Variants in RABGAP1L observed in about 807,000 individuals in gnomAD.
The protein encoded by RABGAP1L is rab GTPase-activating protein 1-like.
In RABGAP1L, 63 loss-of-function variants were observed where a neutral mutation model predicts 137.7. The observed-to-expected ratio is 0.46, with a 90% CI of 0.37 to 0.56. The LOEUF (loss-of-function observed/expected upper bound fraction) is 0.56, where lower values mean the gene tolerates loss of function less well. Among genes scored for constraint, RABGAP1L ranks in the 20% least tolerant of loss-of-function variants. The pLI, the probability that RABGAP1L is intolerant of heterozygous loss-of-function variation, is 0.00. For missense variants in RABGAP1L, 1,095 were observed against 1,244.0 expected, an observed-to-expected ratio of 0.88 and a Z score of 1.80; for synonymous variants, 431 against 433.7, an observed-to-expected ratio of 0.99 and a Z score of 0.08.
Position 174,993,081 on chromosome 1 carries a change from C to T in RABGAP1L, c.*3080C>T, listed in dbSNP as rs572733228. 8 of 152,190 alleles carry T rather than the reference C, an allele frequency of 5.3e-5. No individual in the cohort carries two copies. Among genetic ancestry groups the T allele is most frequent in the African/African-American group, 7.2e-5 (3 of 41,442 alleles). The allele number at this position is 152,190 out of a possible 1,614,324, so 9.4% of individuals were successfully genotyped here. ...CTTTTGTATCTTGAGAATCTAAACACGTCTTTAAATCTGAAAGAAACCAAG... is the reference window on the plus strand; with the variant it reads ...CTTTTGTATCTTGAGAATCTAAACATGTCTTTAAATCTGAAAGAAACCAAG... On this transcript the variant is annotated 3_prime_UTR_variant, in exon 26 of 26. Transcript: ENST00000681986.
chr1:174,366,386 A>G (rs894147477), intron 11 of RABGAP1L, among the ~76,000 whole-genome samples: 11 of 152,294 alleles, frequency 7.2e-5, no homozygotes, highest in African/African-American at 2.2e-4. Context: ...CCAAGGCCCT[A>G]TGGGACAACT....
chr1:174,951,888 T>C (rs1667762826), intron 19 of RABGAP1L, among the ~76,000 whole-genome samples: 1 of 152,198 alleles, frequency 6.6e-6, no homozygotes, highest in Non-Finnish European at 1.5e-5. Flanking sequence ...GTCTTTTCTC[T>C]ACTAAAATGC....
At chr1:174,607,357 G>T (rs955661626) in intron 13 of RABGAP1L, among the ~76,000 whole-genome samples, 1 of 151,968 alleles carries the variant, frequency 6.6e-6, no homozygotes, top group Non-Finnish European at 1.5e-5. Flanking sequence ...CAGTCTCTAC[G>T]GGCAGTGGTC....
chr1:174,986,286 A>T (rs1042685308), intron 24 of RABGAP1L, among the ~76,000 whole-genome samples: 1 of 151,880 alleles, frequency 6.6e-6, no homozygotes, highest in Non-Finnish European at 1.5e-5. Flanking sequence ...CCACCATCAC[A>T]CCCATACTCT....
intron 19 of RABGAP1L, among the ~76,000 whole-genome samples, chr1:174,946,936 A>T (rs1455705255): frequency 4.6e-5 from 3 of 65,064 alleles, no homozygotes; most frequent in Non-Finnish European, 2.8e-5. Context: ...ATATATATAT[A>T]TATATGTGTG....
At chr1:174,876,891 ATT>A (rs1014414048) in intron 19 of RABGAP1L, among the ~76,000 whole-genome samples, 1 of 150,044 alleles carries the variant, frequency 6.7e-6, no homozygotes, top group African/African-American at 2.5e-5. Flanking sequence ...AGAGGGGAAA[ATT>A]TTTTTTTTCA....
intron 10 of RABGAP1L, among the ~76,000 whole-genome samples, chr1:174,295,024 T>C (rs1045106642): frequency 2.0e-5 from 3 of 152,118 alleles, no homozygotes; most frequent in African/African-American, 7.2e-5. Context: ...GTTCAGGTGA[T>C]TCTCCTGCCT....
At chr1:174,912,151 A>G (rs1042975122) in intron 19 of RABGAP1L, among the ~76,000 whole-genome samples, 54 of 130,526 alleles carry the variant, frequency 4.1e-4, no homozygotes, top group African/African-American at 1.7e-3. Flanking sequence ...TTGTTTGTTT[A>G]TTTTTGGACA....
intron 10 of RABGAP1L, among the ~76,000 whole-genome samples, chr1:174,279,312 A>C (rs1675282536): frequency 6.6e-6 from 1 of 152,164 alleles, no homozygotes. Context: ...TTAGTAGATA[A>C]AATATGTAAC....
At chr1:174,896,061 A>C (rs189222023) in intron 19 of RABGAP1L, among the ~76,000 whole-genome samples, 16 of 152,318 alleles carry the variant, frequency 1.1e-4, no homozygotes, top group Admixed American at 8.5e-4. Flanking sequence ...TCCCACCAAC[A>C]ATGTAAAAGT....
intron 19 of RABGAP1L, among the ~76,000 whole-genome samples, chr1:174,931,149 G>A (rs143065185): frequency 1.3e-5 from 2 of 152,134 alleles, no homozygotes; most frequent in Non-Finnish European, 2.9e-5. Context: ...ACAATATACT[G>A]TGGGTGATGG....
chr1:174,575,030 A>G (rs551320094), intron 13 of RABGAP1L, among the ~76,000 whole-genome samples: 1 of 152,316 alleles, frequency 6.6e-6, no homozygotes, highest in South Asian at 2.1e-4. Context: ...TCCCAGGTTC[A>G]AGCGATTCTC....
intron 1 of RABGAP1L, among the ~76,000 whole-genome samples, chr1:174,163,297 T>G (rs1005833846): frequency 1.3e-5 from 2 of 152,206 alleles, no homozygotes; most frequent in Admixed American, 1.3e-4. Context: ...AAGGAAGAGT[T>G]AATGAATTAA....
At chr1:174,696,771 A>AACATC (rs1304771679) in intron 15 of RABGAP1L, among the ~76,000 whole-genome samples, 1 of 152,044 alleles carries the variant, frequency 6.6e-6, no homozygotes, top group Non-Finnish European at 1.5e-5. Flanking sequence ...AGACGATGTA[A>AACATC]GACTGTTTTT....
At chr1:174,812,777 G>T (rs775060479) in intron 19 of RABGAP1L, among the ~76,000 whole-genome samples, 40 of 152,242 alleles carry the variant, frequency 2.6e-4, no homozygotes, top group Non-Finnish European at 4.9e-4. Flanking sequence ...TTGGATTAGT[G>T]GGGGAGCAAA....
At chr1:174,430,614 A>G (rs899120964) in intron 13 of RABGAP1L, among the ~76,000 whole-genome samples, 2 of 152,212 alleles carry the variant, frequency 1.3e-5, no homozygotes, top group African/African-American at 4.8e-5. Context: ...AGCAAGTTAG[A>G]AGAGCAGAAA....
At chr1:174,703,345 T>G (rs1679801425) in intron 17 of RABGAP1L, among the ~76,000 whole-genome samples, 1 of 152,288 alleles carries the variant, frequency 6.6e-6, no homozygotes, top group Non-Finnish European at 1.5e-5. Context: ...TTGGCAGTAT[T>G]TGACTTTCTG....
chr1:174,548,040 G>A (rs752596938), intron 13 of RABGAP1L: 4 of 1,550,520 alleles, frequency 2.6e-6, no homozygotes, highest in Admixed American at 2.0e-5. Flanking sequence ...TTATTAAGAG[G>A]CTTAATGCCT....
In RABGAP1L at chr1:174,327,982, CACACAT is replaced by C. The variant is rs1235931554; in HGVS notation, c.1465+22857_1465+22862del. ...ATATATATATATATATATATATACACACACATATATATATATATATATATATATATA... is the reference window on the plus strand; with the variant it reads ...ATATATATATATATATATATATACACATATATATATATATATATATATATA... On this transcript the variant is annotated intron_variant, in intron 11 of 25. Coordinates refer to ENST00000681986, the MANE Select transcript of RABGAP1L (RefSeq NM_001366446.1). 4.0e-4 allele frequency among the ~76,000 whole-genome samples: 10 copies of C among 24,750 alleles called. 1 individual carries two copies. In the South Asian group the frequency reaches 4.7e-3, roughly 12 times the overall value. 16.2% of individuals were successfully genotyped at this position (24,750 alleles called of 152,430 possible). A position where few individuals can be genotyped will look rare whatever the true frequency, so the allele number is the denominator to read the frequency against.
Sources: allele counts gnomAD v4.1 joint callset (sites outside exome capture counted in the v4.1 genomes callset), GRCh38; gene constraint gnomAD v4.1.1; transcripts MANE v1.5; gene names NCBI Gene and HGNC (gene_info 2026-07-23, HGNC 2026-07-21).